The following NOP58 variants were observed in gnomAD, a reference collection of about 807,000 sequenced individuals.
NOP58 encodes the protein nucleolar protein 58.
In NOP58, 44 loss-of-function variants were observed where a neutral mutation model predicts 71.2. The observed-to-expected ratio is 0.62, with a 90% confidence interval of 0.49 to 0.79. NOP58 has a LOEUF of 0.79. Ranked by LOEUF, NOP58 falls within the 30% of genes least tolerant of loss-of-function variation. The pLI is 0.00. For synonymous variants in NOP58, 228 were observed against 200.3 expected (o/e 1.14, Z -1.17); for missense variants, 538 against 620.2 (o/e 0.87, Z 1.41).
chr2:202,288,699 C>T (rs1052635069), intron 6 of NOP58, among the ~76,000 whole-genome samples: 4 of 151,856 alleles, frequency 2.6e-5, no homozygotes, highest in African/African-American at 9.7e-5. Context: ...CCTGTAATCT[C>T]AGCTATTCAG....
intron 9 of NOP58, among the ~76,000 whole-genome samples, chr2:202,295,172 G>C (rs1444095978): frequency 6.6e-6 from 1 of 152,128 alleles, no homozygotes; most frequent in Non-Finnish European, 1.5e-5. Context: ...AATATTTTCA[G>C]ACTGCAGTTA....
chr2:202,280,647 T>A lies in NOP58; in HGVS notation c.176-1704T>A, dbSNP rs904316317. On this transcript the variant is annotated intron_variant, in intron 3 of 14. Coordinates refer to ENST00000264279, the MANE Select transcript of NOP58 (RefSeq NM_015934.5). The stretch of plus-strand genomic sequence containing the variant: ...GTGCCTGGCCATCATTTTTTTTTTT[T>A]AAATAAAGAAATAGGGTCTGTTGGG... Among the ~76,000 whole-genome samples, 6 of 149,470 alleles carry A rather than the reference T, an allele frequency of 4.0e-5. No individual in the cohort carries two copies. In the South Asian group the frequency reaches 1.1e-3, roughly 26 times the overall value.
rs1574385127 is a variant in NOP58, at chr2:202,290,402, A to G, written c.579A>G (p.Glu193=). ...CREWYGWHFP[E]LGKIISDNLT... is the part of the protein sequence containing the mutation. ...AATGGTATGGCTGGCATTTCCCTGA[A>G]TTAGGAAAAATTATTTCAGATAATT... The change falls in exon 7 of 15, where the codon GAA becomes GAG. Residue 193 remains glutamate (E), a synonymous_variant. Transcript: ENST00000264279. 1 of 1,609,948 alleles carries G rather than the reference A, an allele frequency of 6.2e-7. No individual in the cohort carries two copies. Among genetic ancestry groups the G allele is most frequent in the East Asian group, 2.2e-5 (1 of 44,842 alleles).
At chr2:202,271,326 C>T (rs543890028) in intron 1 of NOP58, among the ~76,000 whole-genome samples, 3 of 151,030 alleles carry the variant, frequency 2.0e-5, no homozygotes, top group Admixed American at 1.3e-4. Flanking sequence ...GAGGCTGAGG[C>T]AGGTAGATTG....
intron 1 of NOP58, among the ~76,000 whole-genome samples, chr2:202,272,149 A>ATT (rs570916461): frequency 0.035 from 3,858 of 111,036 alleles, 171 homozygotes; most frequent in East Asian, 0.057. Flanking sequence ...CTGATGTATA[A>ATT]TTTTTTTTTT....
chr2:202,288,044 G>C (rs74454549), intron 6 of NOP58, among the ~76,000 whole-genome samples: 15,549 of 152,196 alleles, frequency 0.1, 965 homozygotes, highest in South Asian at 0.23. Context: ...AACCCAGGAG[G>C]CGGAGGTTGA....
At chr2:202,277,068 A>G (rs1688607142) in intron 2 of NOP58, among the ~76,000 whole-genome samples, 1 of 152,134 alleles carries the variant, frequency 6.6e-6, no homozygotes, top group South Asian at 2.1e-4. Flanking sequence ...CGGGCGGATG[A>G]TGAGGTCAGG....
chr2:202,278,046 T>C (rs1236719409), intron 3 of NOP58, 44 bp downstream of exon 3: 7 of 1,184,652 alleles, frequency 5.9e-6, no homozygotes, highest in Non-Finnish European at 7.6e-6. Context: ...AAAAATTAAG[T>C]CTTAGCCGTT....
chr2:202,267,169 G>A (rs1181190726), intron 1 of NOP58, among the ~76,000 whole-genome samples: 3 of 152,098 alleles, frequency 2.0e-5, no homozygotes, highest in Non-Finnish European at 4.4e-5. Context: ...TGAGGTCTGT[G>A]AATATAGCAA....
intron 1 of NOP58, among the ~76,000 whole-genome samples, chr2:202,270,807 AGGCTGGACATGGT>A (rs1168021596): frequency 6.6e-6 from 1 of 151,980 alleles, no homozygotes; most frequent in Non-Finnish European, 1.5e-5. Flanking sequence ...GAAAATGAGG[AGGCTGGACATGGT>A]GGCTCACACC....
intron 5 of NOP58, among the ~76,000 whole-genome samples, chr2:202,286,953 A>G (rs900528120): frequency 1.2e-4 from 18 of 152,136 alleles, no homozygotes; most frequent in African/African-American, 3.9e-4. Context: ...TATACAGACA[A>G]TATTGTTACT....
Position 202,287,721 on chromosome 2 carries a change from AT to A in NOP58, c.499del (p.Ser167ProfsTer3). 1 of 1,607,104 alleles carries A rather than the reference AT, an allele frequency of 6.2e-7. No individual in the cohort carries two copies. The highest frequency in any genetic ancestry group is 8.5e-7 in the Non-Finnish European group (1 of 1,173,702). On this transcript the variant is annotated frameshift_variant and splice_region_variant, in exon 6 of 15. Coordinates refer to ENST00000264279, the MANE Select transcript of NOP58 (RefSeq NM_015934.5). LOFTEE classifies it high-confidence loss of function. ...DKVDTMIVQA[I>X]SLLDDLDKEL... ...AGTAGACACAATGATTGTTCAGGCA[AT>A]TTGTAAGTATAGTACATGCAAAGTC...
chr2:202,287,444 C>G (rs150023035), intron 5 of NOP58, among the ~76,000 whole-genome samples: 5 of 151,522 alleles, frequency 3.3e-5, no homozygotes, highest in African/African-American at 1.2e-4. Context: ...AAATAAAGGT[C>G]GTAGCAGCAC....
intron 13 of NOP58, 45 bp from the exon 14 acceptor site, chr2:202,302,876 T>A (rs748332177): frequency 7.0e-6 from 11 of 1,570,878 alleles, no homozygotes; most frequent in Non-Finnish European, 9.4e-6. Context: ...GAATGAGATC[T>A]GATACAGTGT....
rs748343719 is a variant in NOP58 at position 202,265,989 on chromosome 2, A to T, written c.45+3A>T. 2 of 1,613,932 alleles carry T rather than the reference A, an allele frequency of 1.2e-6. No individual in the cohort carries two copies. The highest frequency in any genetic ancestry group is 1.1e-5 in the South Asian group (1 of 91,078). On this transcript the variant is annotated splice_donor_region_variant and intron_variant, in intron 1 of 14. Coordinates refer to ENST00000264279, the MANE Select transcript of NOP58 (RefSeq NM_015934.5). Reference sequence around the variant, plus strand: ...CTGTGGGTTACGCCATCTTTAAGGTAGGTGGGAGAGCGAGCCGTTAAAGGG... The same window carrying T: ...CTGTGGGTTACGCCATCTTTAAGGTTGGTGGGAGAGCGAGCCGTTAAAGGG...
chr2:202,286,871 A>G (rs1688796574), intron 5 of NOP58, among the ~76,000 whole-genome samples: 1 of 152,194 alleles, frequency 6.6e-6, no homozygotes, highest in Non-Finnish European at 1.5e-5. Flanking sequence ...AGGTCCTATA[A>G]TGCACAGGGC....
rs1414920378 is a variant in NOP58, at chr2:202,300,275, C to G, written c.1310C>G (p.Pro437Arg). ...TYDPSGDSTL[P>R]TCSKKRKIEQ... is the part of the protein sequence containing the mutation. ...GATCCTTCTGGTGACTCCACACTTC[C>G]AACCTGTTCTAAAAAACGCAAAATA... Residue 437 changes from proline to arginine, a missense_variant, in exon 13 of 15, where the codon CCA becomes CGA. Pro to Arg is a moderately radical substitution (Grantham distance 103). Transcript: ENST00000264279. 8.1e-6 allele frequency: 13 copies of G among 1,601,246 alleles called. No homozygotes were observed. The highest frequency in any genetic ancestry group is 1.1e-5 in the Non-Finnish European group (13 of 1,177,204).
At chr2:202,275,380 G>GA (rs929268570) in intron 2 of NOP58, 191 bp downstream of exon 2, 6 of 499,434 alleles carry the variant, frequency 1.2e-5, no homozygotes, top group African/African-American at 1.2e-4. Flanking sequence ...CAATTAATTT[G>GA]AAGGCAGTAG....
Position 202,275,198 on chromosome 2 carries a change from T to C in NOP58, c.122+9T>C. 1.4e-6 allele frequency: 2 copies of C among 1,422,794 alleles called. No homozygotes were observed. Among genetic ancestry groups the C allele is most frequent in the Non-Finnish European group, 9.8e-7 (1 of 1,023,934 alleles). The allele number at this position is 1,422,794 out of a possible 1,614,324, so 88.1% of individuals were successfully genotyped here. On this transcript the variant is annotated intron_variant, in intron 2 of 14. Transcript: ENST00000264279. ...GAGAAAGCAAACAAAATGTAAGTAC[T>C]CTTGAAATCAATAATTTAGCAGTTA...
Sources: allele counts gnomAD v4.1 joint callset (sites outside exome capture counted in the v4.1 genomes callset), GRCh38; gene constraint gnomAD v4.1.1; transcripts MANE v1.5; gene names NCBI Gene and HGNC (gene_info 2026-07-23, HGNC 2026-07-21).